The following MECOM variants were observed in gnomAD, a reference collection of about 807,000 sequenced individuals.
MECOM encodes histone-lysine N-methyltransferase MECOM.
A neutral mutation model predicts 116.3 loss-of-function variants in MECOM; 13 were observed. The observed-to-expected ratio is 0.11, with a 90% CI of 0.07 to 0.18. The LOEUF is 0.18. Ranked by LOEUF, MECOM falls within the 10% of genes least tolerant of loss-of-function variation. MECOM has a pLI of 1.00. For missense variants in MECOM, 1,299 were observed against 1,509.0 expected, an observed-to-expected ratio of 0.86 and a Z score of 2.31; for synonymous variants, 528 against 535.2, an observed-to-expected ratio of 0.99 and a Z score of 0.19.
chr3:169,178,432 C>G (rs1277401966), intron 2 of MECOM, among the ~76,000 whole-genome samples: 1 of 152,172 alleles, frequency 6.6e-6, no homozygotes, highest in African/African-American at 2.4e-5. Context: ...GAATCATCAT[C>G]AAGAAGGACA....
intron 2 of MECOM, among the ~76,000 whole-genome samples, chr3:169,164,977 T>G (rs1454629799): frequency 6.6e-6 from 1 of 152,202 alleles, no homozygotes; most frequent in East Asian, 1.9e-4. Flanking sequence ...CCTAGTAAAG[T>G]TCCCTGACAA....
At chr3:169,210,950 A>G (rs1406775274) in intron 2 of MECOM, among the ~76,000 whole-genome samples, 2 of 152,168 alleles carry the variant, frequency 1.3e-5, no homozygotes, top group African/African-American at 4.8e-5. Flanking sequence ...ATTGAGTGGC[A>G]TATATCAGTA....
chr3:169,661,820 G>C (rs561506536), intron 1 of MECOM, among the ~76,000 whole-genome samples: 1 of 152,100 alleles, frequency 6.6e-6, no homozygotes, highest in South Asian at 2.1e-4. Context: ...GATTTCACTG[G>C]GGAGAAGCAT....
At chr3:169,276,772 A>G (rs908244924) in intron 2 of MECOM, among the ~76,000 whole-genome samples, 1 of 152,204 alleles carries the variant, frequency 6.6e-6, no homozygotes, top group Admixed American at 6.5e-5. Flanking sequence ...AACAAAAAAC[A>G]ATGTAATCAC....
At chr3:169,199,437 A>C (rs1559983340) in intron 2 of MECOM, among the ~76,000 whole-genome samples, 1 of 152,012 alleles carries the variant, frequency 6.6e-6, no homozygotes, top group Non-Finnish European at 1.5e-5. Flanking sequence ...TTCTGGAAAC[A>C]AGTTCTCACC....
intron 1 of MECOM, among the ~76,000 whole-genome samples, chr3:169,648,255 C>G (rs963571599): frequency 6.6e-6 from 1 of 152,122 alleles, no homozygotes; most frequent in African/African-American, 2.4e-5. Flanking sequence ...ATTTTGTCTT[C>G]TTGAAGATAA....
intron 1 of MECOM, among the ~76,000 whole-genome samples, chr3:169,458,714 T>C (rs1308486750): frequency 6.6e-6 from 1 of 152,202 alleles, no homozygotes; most frequent in Non-Finnish European, 1.5e-5. Context: ...TTTTGATTAC[T>C]GCTATAGCCA....
intron 2 of MECOM, chr3:169,146,352 G>C: frequency 1.5e-6 from 2 of 1,347,858 alleles, no homozygotes; most frequent in Non-Finnish European, 2.0e-6. Context: ...CCAGTGCCAG[G>C]AATTCAGATT....
At chr3:169,213,446 T>C (rs927766201) in intron 2 of MECOM, among the ~76,000 whole-genome samples, 5 of 152,184 alleles carry the variant, frequency 3.3e-5, no homozygotes, top group Admixed American at 1.3e-4. Flanking sequence ...AAAATGTTTA[T>C]ACCATGTGAA....
intron 2 of MECOM, among the ~76,000 whole-genome samples, chr3:169,178,201 G>T (rs1286166342): frequency 6.6e-6 from 1 of 152,164 alleles, no homozygotes; most frequent in African/African-American, 2.4e-5. Context: ...CAAGTTTAAG[G>T]AACTGAGAGA....
intron 2 of MECOM, among the ~76,000 whole-genome samples, chr3:169,346,301 T>G (rs866181550): frequency 2.0e-5 from 3 of 152,126 alleles, no homozygotes; most frequent in African/African-American, 7.2e-5. Context: ...CATTATGAAC[T>G]GCATATTTTC....
intron 2 of MECOM, among the ~76,000 whole-genome samples, chr3:169,152,183 A>G (rs1442937504): frequency 6.6e-6 from 1 of 152,084 alleles, no homozygotes; most frequent in Non-Finnish European, 1.5e-5. Flanking sequence ...ACATATCACA[A>G]CTGCACTGAA....
chr3:169,489,877 C>T (rs888670420), intron 1 of MECOM, among the ~76,000 whole-genome samples: 1 of 152,004 alleles, frequency 6.6e-6, no homozygotes, highest in African/African-American at 2.4e-5. Context: ...AAGTATAAAA[C>T]GGGATATTCA....
intron 3 of MECOM, among the ~76,000 whole-genome samples, chr3:169,136,500 G>A (rs1224219442): frequency 3.3e-5 from 5 of 151,622 alleles, no homozygotes; most frequent in African/African-American, 1.2e-4. Flanking sequence ...ATTTGGTTAA[G>A]TCCAAGATGA....
In MECOM at chr3:169,116,030, T is replaced by G. The variant is rs1372774466; in HGVS notation, c.1842A>C (p.Glu614Asp). The change falls in exon 8 of 17, where the codon GAA (glutamate) becomes GAC (aspartate). Residue 614 changes from glutamate (E) to aspartate (D), a missense_variant. Physicochemically the swap from Glu to Asp is conservative, Grantham distance 45. This residue lies in a region of MECOM where 238 missense variants were observed against 273.1 expected (regional missense o/e 0.87). Coordinates refer to ENST00000651503, the MANE Select transcript of MECOM (RefSeq NM_004991.4). ...DIESDKEKFKENGKMFKDKVS... is the reference protein window; with the variant it reads ...DIESDKEKFKDNGKMFKDKVS... The stretch of plus-strand genomic sequence containing the variant: ...CTTTGTCTTTGAACATTTTACCATT[T>G]TCTTTAAATTTCTCTTTATCACTTT... 3 of 1,614,150 alleles carry G rather than the reference T, an allele frequency of 1.9e-6. No individual in the cohort carries two copies. The highest frequency in any genetic ancestry group is 2.2e-5 in the East Asian group (1 of 44,878).
intron 1 of MECOM, among the ~76,000 whole-genome samples, chr3:169,591,842 T>C (rs574141812): frequency 1.2e-4 from 18 of 152,330 alleles, no homozygotes; most frequent in African/African-American, 4.1e-4. Context: ...GAAAATTCCA[T>C]TGAAAACAAG....
At chr3:169,538,769 T>C (rs1328442548) in intron 1 of MECOM, among the ~76,000 whole-genome samples, 1 of 152,182 alleles carries the variant, frequency 6.6e-6, no homozygotes, top group Non-Finnish European at 1.5e-5. Context: ...AACTAACTAC[T>C]GGTGAGTGCA....
intron 1 of MECOM, among the ~76,000 whole-genome samples, chr3:169,480,852 C>T (rs1751177872): frequency 6.6e-6 from 1 of 151,936 alleles, no homozygotes; most frequent in Admixed American, 6.6e-5. Context: ...AGGATCAACA[C>T]ATTAAAAGAT....
intron 3 of MECOM, 100 bp downstream of exon 3, chr3:169,143,598 G>A: frequency 8.6e-7 from 1 of 1,158,414 alleles, no homozygotes; most frequent in Non-Finnish European, 1.2e-6. Flanking sequence ...CAACAAACAG[G>A]CCACAAGGGT....
Sources: allele counts gnomAD v4.1 joint callset (sites outside exome capture counted in the v4.1 genomes callset), GRCh38; gene constraint gnomAD v4.1.1; regional missense constraint gnomAD v4.1.1; transcripts MANE v1.5; gene names NCBI Gene and HGNC (gene_info 2026-07-23, HGNC 2026-07-21).